STAT5B: variants seen among roughly 807,000 people sequenced by gnomAD.
STAT5B encodes signal transducer and activator of transcription 5B.
A neutral mutation model predicts 107.8 loss-of-function variants in STAT5B; 21 were observed. The observed-to-expected ratio is 0.19, with a 90% CI of 0.14 to 0.28. STAT5B has a LOEUF of 0.28. STAT5B is among the 10% of genes least tolerant of loss of function. STAT5B has a pLI of 1.00. For missense variants in STAT5B, 565 were observed against 1,008.2 expected (o/e 0.56, Z 5.95); for synonymous variants, 325 against 401.7 (o/e 0.81, Z 2.28).
At chr17:42,244,743 T>C (rs2080436458) in intron 1 of STAT5B, among the ~76,000 whole-genome samples, 1 of 152,134 alleles carries the variant, frequency 6.6e-6, no homozygotes, top group Non-Finnish European at 1.5e-5. Context: ...CAGGGATATA[T>C]ACCGTCGGGA....
In STAT5B at chr17:42,237,044, T is replaced by C. The variant is rs2080362370; in HGVS notation, c.-10-4907A>G. Among the ~76,000 whole-genome samples, 3 of 152,194 alleles carry C rather than the reference T, an allele frequency of 2.0e-5. No individual in the cohort carries two copies. In the South Asian group the frequency reaches 6.2e-4, roughly 31 times the overall value. Reference sequence around the variant, plus strand: ...ACTGGGAAATGGATTCACAATCTTATTTTTAGGCCAAAGATGAGAACTATT... The same window carrying C: ...ACTGGGAAATGGATTCACAATCTTACTTTTAGGCCAAAGATGAGAACTATT... On this transcript the variant is annotated intron_variant, in intron 1 of 18. Transcript: ENST00000293328.
chr17:42,277,493 A>G (rs954682859), upstream of STAT5B, among the ~76,000 whole-genome samples: 5 of 152,110 alleles, frequency 3.3e-5, no homozygotes, highest in Admixed American at 6.5e-5. Context: ...ACCAGCCACA[A>G]AGGTCTCCAG....
At chr17:42,237,585 G>C (rs2080366804) in intron 1 of STAT5B, among the ~76,000 whole-genome samples, 1 of 151,862 alleles carries the variant, frequency 6.6e-6, no homozygotes, top group Non-Finnish European at 1.5e-5. Flanking sequence ...GGGAGTAGGG[G>C]GTTAATATGA....
chr17:42,208,851 C>G (rs968695602), intron 15 of STAT5B, among the ~76,000 whole-genome samples: 41 of 151,888 alleles, frequency 2.7e-4, no homozygotes, highest in African/African-American at 9.7e-4. Flanking sequence ...CCTGCCTCAG[C>G]CTCCCAAGTA....
rs1449155303 is a variant in STAT5B at position 42,218,931 on chromosome 17, G to A, written c.834-53C>T. ...AGGACAATGGCTCCTCCGCACAGACGCCAGGCCCCAAGACACAGCTCCCGT... is the reference window on the plus strand; with the variant it reads ...AGGACAATGGCTCCTCCGCACAGACACCAGGCCCCAAGACACAGCTCCCGT... On this transcript the variant is annotated intron_variant, in intron 7 of 18. Transcript: ENST00000293328. The A allele has an allele frequency of 1.1e-5, 17 of 1,613,348 alleles. No individual in the cohort carries two copies. The East Asian group carries it at 2.2e-4, about 21-fold the overall frequency.
chr17:42,222,343 C>T (rs551319258), intron 5 of STAT5B, among the ~76,000 whole-genome samples: 1 of 152,202 alleles, frequency 6.6e-6, no homozygotes, highest in East Asian at 1.9e-4. Context: ...GGTGGGGCTC[C>T]ACAGCCTCAC....
rs1312409486 is a variant in STAT5B at position 42,241,068 on chromosome 17, G to C, written c.-10-8931C>G. ...TAAAGAGCAAGTTCCAGCCAGGCGT[G>C]GTGGCTCATGCTTGTAATCCCATAC... On this transcript the variant is annotated intron_variant, in intron 1 of 18. Transcript: ENST00000293328. 2.0e-5 allele frequency among the ~76,000 whole-genome samples: 3 copies of C among 152,148 alleles called. No homozygotes were observed. In the South Asian group the frequency reaches 6.2e-4, roughly 32 times the overall value.
intron 1 of STAT5B, among the ~76,000 whole-genome samples, chr17:42,265,292 T>G (rs890535052): frequency 3.3e-5 from 5 of 152,240 alleles, no homozygotes; most frequent in Non-Finnish European, 5.9e-5. Context: ...CCATGCCTAT[T>G]TGTACAAATC....
At chr17:42,206,726 C>T (rs996984792) in intron 16 of STAT5B, among the ~76,000 whole-genome samples, 1 of 152,046 alleles carries the variant, frequency 6.6e-6, no homozygotes, top group Non-Finnish European at 1.5e-5. Flanking sequence ...CAGGCATGCG[C>T]CACCATGCCA....
chr17:42,215,425 G>A (rs767913748), intron 12 of STAT5B, among the ~76,000 whole-genome samples: 3 of 152,132 alleles, frequency 2.0e-5, no homozygotes, highest in Non-Finnish European at 2.9e-5. Flanking sequence ...TAGAGCAAGA[G>A]TATCCCTGTG....
intron 3 of STAT5B, among the ~76,000 whole-genome samples, chr17:42,227,226 T>C: frequency 6.6e-6 from 1 of 151,332 alleles, no homozygotes; most frequent in East Asian, 1.9e-4. Context: ...TGCAACTTAC[T>C]CTCCAGTGAC....
At chr17:42,281,250 A>G (rs1598349191), upstream of STAT5B, among the ~76,000 whole-genome samples, 1 of 152,286 alleles carries the variant, frequency 6.6e-6, no homozygotes, top group East Asian at 1.9e-4. Flanking sequence ...GTTAGGGGGT[A>G]GAGTGTAATA....
chr17:42,223,051 T>C (rs1035706673), intron 5 of STAT5B, among the ~76,000 whole-genome samples: 1 of 152,182 alleles, frequency 6.6e-6, no homozygotes, highest in Non-Finnish European at 1.5e-5. Context: ...CCACTTATAA[T>C]ATGCCTACTA....
intron 5 of STAT5B, among the ~76,000 whole-genome samples, chr17:42,221,651 G>T (rs1261721359): frequency 3.9e-5 from 6 of 152,170 alleles, no homozygotes; most frequent in Non-Finnish European, 8.8e-5. Context: ...TGAAGGAGCT[G>T]CCCTTCTTCT....
At position 42,267,342 on chromosome 17, in the gene STAT5B, T is replaced by C. The variant is rs139755680; in HGVS notation, c.-11+8906A>G. ...AGGCAGGTCCTTCAGGAGGCATTGTTATCACAAGAGATGACAGCTCCATAT... is the reference window on the plus strand; with the variant it reads ...AGGCAGGTCCTTCAGGAGGCATTGTCATCACAAGAGATGACAGCTCCATAT... On this transcript the variant is annotated intron_variant, in intron 1 of 18. Coordinates refer to ENST00000293328, the MANE Select transcript of STAT5B (RefSeq NM_012448.4). Among the ~76,000 whole-genome samples the C allele has an allele frequency of 3.2e-4, 49 of 152,312 alleles. 1 individual carries two copies. The highest frequency in any genetic ancestry group is 1.4e-3 in the South Asian group (7 of 4,830).
intron 1 of STAT5B, among the ~76,000 whole-genome samples, chr17:42,251,479 T>C (rs2080499171): frequency 6.6e-6 from 1 of 152,104 alleles, no homozygotes; most frequent in Non-Finnish European, 1.5e-5. Context: ...CAGAAAACAT[T>C]TTACATACAG....
At chr17:42,283,939 TG>T in the STAT5B span, among the ~76,000 whole-genome samples, 1 of 151,680 alleles carries the variant, frequency 6.6e-6, no homozygotes, top group African/African-American at 2.4e-5. Flanking sequence ...AAGGTGGGGG[TG>T]AAACAGGATG....
intron 1 of STAT5B, among the ~76,000 whole-genome samples, chr17:42,260,964 T>C (rs2080590940): frequency 6.6e-6 from 1 of 151,466 alleles, no homozygotes; most frequent in African/African-American, 2.4e-5. Context: ...TCGCCGAGGC[T>C]GAAGTGCAGT....
chr17:42,229,890 T>G (rs749004496), intron 2 of STAT5B, among the ~76,000 whole-genome samples: 6 of 151,992 alleles, frequency 3.9e-5, no homozygotes, highest in Admixed American at 6.6e-5. Flanking sequence ...TTGAAAATTC[T>G]TCATTAAAAT....
Sources: allele counts gnomAD v4.1 joint callset (sites outside exome capture counted in the v4.1 genomes callset), GRCh38; gene constraint gnomAD v4.1.1; transcripts MANE v1.5; gene names NCBI Gene and HGNC (gene_info 2026-07-23, HGNC 2026-07-21).